Variants in ASAP1 observed in about 807,000 individuals in gnomAD.
The protein encoded by ASAP1 is arf-GAP with SH3 domain, ANK repeat and PH domain-containing protein 1.
Under a neutral mutation model 145.2 loss-of-function variants are expected in ASAP1, and 43 were observed. The ratio of observed to expected loss-of-function variants is 0.30; its 90% CI spans 0.23 to 0.38. ASAP1 has a LOEUF of 0.38. Among genes scored for constraint, ASAP1 ranks in the 10% least tolerant of loss-of-function variants. The pLI is 1.00. For missense variants in ASAP1, 1,018 were observed against 1,355.3 expected (o/e 0.75, Z 3.91); for synonymous variants, 546 against 515.5 (o/e 1.06, Z -0.80).
At chr8:130,154,508 C>G (rs972064051) in intron 12 of ASAP1, among the ~76,000 whole-genome samples, 1 of 152,092 alleles carries the variant, frequency 6.6e-6, no homozygotes, top group African/African-American at 2.4e-5. Context: ...ACAGTGATTC[C>G]CTAGGCTGGA....
chr8:130,288,196 C>T (rs1821733674), intron 3 of ASAP1, among the ~76,000 whole-genome samples: 1 of 152,190 alleles, frequency 6.6e-6, no homozygotes, highest in South Asian at 2.1e-4. Context: ...CTGCTTGAGG[C>T]TTTTCATCTG....
intron 2 of ASAP1, chr8:130,361,569 A>C: frequency 1.1e-6 from 1 of 919,098 alleles, no homozygotes; most frequent in Non-Finnish European, 1.7e-6. Context: ...CCTTTGGCCA[A>C]GAAAGGAATA....
At chr8:130,399,881 G>A (rs1586975216) in intron 2 of ASAP1, among the ~76,000 whole-genome samples, 1 of 142,174 alleles carries the variant, frequency 7.0e-6, no homozygotes, top group African/African-American at 2.7e-5. Flanking sequence ...GTACAATGGC[G>A]CAATCTCGGC....
chr8:130,073,451 C>G (rs2097454702), intron 27 of ASAP1, among the ~76,000 whole-genome samples: 1 of 150,886 alleles, frequency 6.6e-6, no homozygotes, highest in African/African-American at 2.4e-5. Context: ...AGCTGTGGGA[C>G]TGTTTGGATG....
intron 3 of ASAP1, among the ~76,000 whole-genome samples, chr8:130,237,223 G>A (rs775702460): frequency 2.6e-5 from 4 of 152,092 alleles, no homozygotes; most frequent in Admixed American, 2.0e-4. Context: ...GAAATGGATA[G>A]CATTTTAGTC....
intron 25 of ASAP1, among the ~76,000 whole-genome samples, chr8:130,088,703 C>T (rs2097499225): frequency 1.3e-5 from 2 of 152,138 alleles, no homozygotes; most frequent in Non-Finnish European, 1.5e-5. Flanking sequence ...GTTACAGGAG[C>T]CTCAGGAAAC....
At chr8:130,283,521 A>T (rs2137212678) in intron 3 of ASAP1, among the ~76,000 whole-genome samples, 1 of 144,302 alleles carries the variant, frequency 6.9e-6, no homozygotes, top group East Asian at 2.2e-4. Context: ...CAGAGGCTGC[A>T]GTGAGAGGAG....
chr8:130,109,265 A>G (rs1001086225), intron 24 of ASAP1, among the ~76,000 whole-genome samples: 2 of 151,978 alleles, frequency 1.3e-5, no homozygotes, highest in African/African-American at 4.8e-5. Flanking sequence ...TGATTTTGGG[A>G]TTCTGAGCTA....
intron 24 of ASAP1, among the ~76,000 whole-genome samples, chr8:130,093,288 T>G (rs1050909939): frequency 4.3e-4 from 65 of 152,342 alleles, no homozygotes; most frequent in African/African-American, 1.4e-3. Flanking sequence ...AGGTATTCCA[T>G]GCTGGGCACT....
intron 5 of ASAP1, among the ~76,000 whole-genome samples, chr8:130,205,591 C>CTT (rs10679649): frequency 0.33 from 39,705 of 119,094 alleles, 7,033 homozygotes; most frequent in East Asian, 0.45. Context: ...AAATACACGG[C>CTT]TTTTTTTTTT....
intron 13 of ASAP1, among the ~76,000 whole-genome samples, chr8:130,144,946 C>A (rs145117338): frequency 2.0e-5 from 3 of 152,042 alleles, no homozygotes; most frequent in Admixed American, 1.3e-4. Context: ...AGCAAGGAAT[C>A]GGTTACCTTA....
At chr8:130,191,276 A>G (rs1286309046) in intron 5 of ASAP1, among the ~76,000 whole-genome samples, 1 of 152,160 alleles carries the variant, frequency 6.6e-6, no homozygotes, top group Non-Finnish European at 1.5e-5. Flanking sequence ...AGGAGACCCC[A>G]AGTAATCTTG....
intron 27 of ASAP1, among the ~76,000 whole-genome samples, chr8:130,072,968 T>C (rs2097453092): frequency 6.6e-6 from 1 of 151,148 alleles, no homozygotes; most frequent in Non-Finnish European, 1.5e-5. Context: ...CCCCACACGT[T>C]TGTCACAGAA....
chr8:130,132,027 C>A (rs148034794), intron 15 of ASAP1, among the ~76,000 whole-genome samples: 4 of 150,166 alleles, frequency 2.7e-5, no homozygotes, highest in African/African-American at 9.9e-5. Flanking sequence ...AAATTACTCA[C>A]CTGTGTTTCA....
intron 25 of ASAP1, among the ~76,000 whole-genome samples, chr8:130,090,371 T>C (rs1433784561): frequency 6.6e-6 from 1 of 152,210 alleles, no homozygotes; most frequent in Non-Finnish European, 1.5e-5. Context: ...CATGGAATGT[T>C]ATTTGGGGGA....
At chr8:130,168,437 G>A (rs2097684576) in intron 10 of ASAP1, among the ~76,000 whole-genome samples, 1 of 152,168 alleles carries the variant, frequency 6.6e-6, no homozygotes, top group Admixed American at 6.5e-5. Flanking sequence ...TTGAGCTCAG[G>A]AGTTCAAGAC....
intron 2 of ASAP1, among the ~76,000 whole-genome samples, chr8:130,391,161 T>C (rs1488189424): frequency 7.5e-6 from 1 of 133,746 alleles, no homozygotes; most frequent in Non-Finnish European, 1.7e-5. Context: ...GACATTATGT[T>C]AAGTAAGGCA....
chr8:130,092,085 G>T lies in ASAP1; in HGVS notation c.2460C>A (p.Ser820=). The change falls in exon 25 of 30, where the codon TCC becomes TCA. Residue 820 remains serine, a synonymous_variant. Coordinates refer to ENST00000518721, the MANE Select transcript of ASAP1 (RefSeq NM_018482.4). ...PLSTQTSSGS[S]TLSKKRPPPP... ...GAGGAGGCCTCTTCTTGGATAGGGT[G>T]GAGCTGCCACTAGAGGTCTGGGTGC... The T allele has an allele frequency of 6.4e-7, 1 of 1,571,934 alleles. No homozygotes were observed. Among genetic ancestry groups the T allele is most frequent in the Non-Finnish European group, 8.6e-7 (1 of 1,164,514 alleles).
intron 24 of ASAP1, among the ~76,000 whole-genome samples, chr8:130,103,196 G>T (rs2097531666): frequency 6.6e-6 from 1 of 151,650 alleles, no homozygotes; most frequent in African/African-American, 2.4e-5. Context: ...TAATTTGCTG[G>T]CCTATCATTA....
Sources: allele counts gnomAD v4.1 joint callset (sites outside exome capture counted in the v4.1 genomes callset), GRCh38; gene constraint gnomAD v4.1.1; transcripts MANE v1.5; gene names NCBI Gene and HGNC (gene_info 2026-07-23, HGNC 2026-07-21).